The following RAP2A variants were observed in gnomAD, a reference collection of about 807,000 sequenced individuals.
RAP2A encodes ras-related protein Rap-2a.
A neutral mutation model predicts 15.1 loss-of-function variants in RAP2A; 5 were observed. The observed-to-expected ratio is 0.33, with a 90% CI of 0.17 to 0.70. The LOEUF (loss-of-function observed/expected upper bound fraction) is 0.70, where lower values mean the gene tolerates loss of function less well. Among genes scored for constraint, RAP2A ranks in the 30% least tolerant of loss-of-function variants. The pLI is 0.68. For synonymous variants in RAP2A, 110 were observed against 99.7 expected (o/e 1.10, Z -0.62); for missense variants, 111 against 240.3 (o/e 0.46, Z 3.56).
At chr13:97,456,727 C>G (rs911333466) in intron 1 of RAP2A, among the ~76,000 whole-genome samples, 1 of 145,498 alleles carries the variant, frequency 6.9e-6, no homozygotes, top group African/African-American at 2.6e-5. Flanking sequence ...TTACTTTTTA[C>G]ATTACATTTA....
chr13:97,448,530 T>C (rs1455284473), intron 1 of RAP2A, among the ~76,000 whole-genome samples: 2 of 152,124 alleles, frequency 1.3e-5, no homozygotes, highest in East Asian at 3.9e-4. Context: ...TAAGTATCAA[T>C]TAATGTTTGT....
intron 1 of RAP2A, among the ~76,000 whole-genome samples, chr13:97,448,251 G>A (rs2066687782): frequency 6.6e-6 from 1 of 152,120 alleles, no homozygotes; most frequent in African/African-American, 2.4e-5. Context: ...AGAGATAGGA[G>A]ATAAAACATA....
chr13:97,442,794 CA>C (rs757039091), intron 1 of RAP2A, among the ~76,000 whole-genome samples: 20 of 152,228 alleles, frequency 1.3e-4, no homozygotes, highest in Non-Finnish European at 2.5e-4. Flanking sequence ...TTCTGGTTCC[CA>C]GCAATGCTGT....
intron 1 of RAP2A, among the ~76,000 whole-genome samples, chr13:97,436,553 A>G (rs1566470611): frequency 6.6e-6 from 1 of 152,212 alleles, no homozygotes; most frequent in Non-Finnish European, 1.5e-5. Flanking sequence ...TTCTTGACAC[A>G]AGCCTAGGGA....
intron 1 of RAP2A, among the ~76,000 whole-genome samples, chr13:97,457,849 C>A (rs2066730118): frequency 6.6e-6 from 1 of 151,832 alleles, no homozygotes; most frequent in Non-Finnish European, 1.5e-5. Context: ...TTTTTAAAAT[C>A]ATGACTTATT....
At chr13:97,447,947 CCTT>C (rs2066686322) in intron 1 of RAP2A, among the ~76,000 whole-genome samples, 1 of 151,862 alleles carries the variant, frequency 6.6e-6, no homozygotes, top group Non-Finnish European at 1.5e-5. Context: ...GCTCAAAACT[CCTT>C]ATACTACTCA....
At chr13:97,434,868 G>A in intron 1 of RAP2A, 84 bp downstream of exon 1, 2 of 1,549,578 alleles carry the variant, frequency 1.3e-6, no homozygotes, top group South Asian at 1.2e-5. Flanking sequence ...GGGCTCCGGG[G>A]AAGGGGCTTT....
intron 1 of RAP2A, among the ~76,000 whole-genome samples, chr13:97,453,726 A>G (rs914969129): frequency 1.3e-5 from 2 of 151,036 alleles, no homozygotes; most frequent in African/African-American, 4.9e-5. Context: ...TAAATGCCCA[A>G]GGGTGCAATT....
intron 1 of RAP2A, among the ~76,000 whole-genome samples, chr13:97,459,627 T>G (rs918838596): frequency 3.9e-5 from 6 of 152,192 alleles, no homozygotes; most frequent in Admixed American, 2.0e-4. Flanking sequence ...GCTCTTCCCC[T>G]AGAACCTGCA....
chr13:97,438,733 C>A (rs1347825320), intron 1 of RAP2A, among the ~76,000 whole-genome samples: 3 of 152,154 alleles, frequency 2.0e-5, no homozygotes, highest in Non-Finnish European at 4.4e-5. Flanking sequence ...TTCTTTGAAG[C>A]ACTCATCCAA....
In RAP2A at chr13:97,452,791, T is replaced by C. The variant is rs999254913; in HGVS notation, c.315-11414T>C. On this transcript the variant is annotated intron_variant, in intron 1 of 1. Transcript: ENST00000245304. Reference sequence around the variant, plus strand: ...TAAGTAAATGTTATATATCTTTCATTTTATTTAGATATTTTTACATTTCTG... The same window carrying C: ...TAAGTAAATGTTATATATCTTTCATCTTATTTAGATATTTTTACATTTCTG... 2.0e-5 allele frequency among the ~76,000 whole-genome samples: 3 copies of C among 151,438 alleles called. 1 individual carries two copies. Among genetic ancestry groups the C allele is most frequent in the Non-Finnish European group, 4.4e-5 (3 of 67,846 alleles).
intron 1 of RAP2A, among the ~76,000 whole-genome samples, chr13:97,459,129 G>T (rs1221738317): frequency 1.3e-5 from 2 of 152,048 alleles, no homozygotes; most frequent in Non-Finnish European, 1.5e-5. Flanking sequence ...GGCTGAAGTT[G>T]GTGAGATATC....
At chr13:97,447,726 C>G (rs943925974) in intron 1 of RAP2A, among the ~76,000 whole-genome samples, 6 of 152,184 alleles carry the variant, frequency 3.9e-5, no homozygotes, top group Middle Eastern at 3.2e-3. Flanking sequence ...TTTTGTTACT[C>G]CAGACACCAT....
intron 1 of RAP2A, 93 bp from the exon 2 acceptor site, chr13:97,464,112 T>C: frequency 1.8e-6 from 2 of 1,103,892 alleles, no homozygotes; most frequent in Admixed American, 1.9e-5. Flanking sequence ...ACCATTTATG[T>C]TGGAATAGCC....
chr13:97,443,072 G>T (rs547484427), intron 1 of RAP2A, among the ~76,000 whole-genome samples: 1 of 152,294 alleles, frequency 6.6e-6, no homozygotes, highest in African/African-American at 2.4e-5. Flanking sequence ...ATACATGAGT[G>T]CGGGATTATC....
chr13:97,461,210 C>T, intron 1 of RAP2A, among the ~76,000 whole-genome samples: 1 of 152,174 alleles, frequency 6.6e-6, no homozygotes, highest in East Asian at 1.9e-4. Flanking sequence ...AGCAGAGCCT[C>T]CAAATCTGGG....
Position 97,468,255 on chromosome 13 carries a change from G to A in RAP2A, c.*3813G>A, listed in dbSNP as rs1475140236. ...GATTTTATATTTTGAATGGTAGCTG[G>A]TTAATTTAAAGCCTGATGCTAAGGT... On this transcript the variant is annotated 3_prime_UTR_variant, in exon 2 of 2. Transcript: ENST00000245304. The A allele has an allele frequency of 3.3e-5, 5 of 152,148 alleles. No homozygotes were observed. The highest frequency in any genetic ancestry group is 7.3e-5 in the Non-Finnish European group (5 of 68,028). 9.4% of individuals were successfully genotyped at this position (152,148 alleles called of 1,614,324 possible).
At chr13:97,453,847 G>C (rs565605503) in intron 1 of RAP2A, among the ~76,000 whole-genome samples, 1 of 150,908 alleles carries the variant, frequency 6.6e-6, no homozygotes, top group African/African-American at 2.4e-5. Flanking sequence ...GTCCTCGCCA[G>C]CATTTTAGTG....
chr13:97,464,118 T>C, intron 1 of RAP2A, 87 bp from the exon 2 acceptor site: 1 of 1,162,610 alleles, frequency 8.6e-7, no homozygotes, highest in East Asian at 2.4e-5. Flanking sequence ...TATGTTGGAA[T>C]AGCCCCCAAA....
Sources: allele counts gnomAD v4.1 joint callset (sites outside exome capture counted in the v4.1 genomes callset), GRCh38; gene constraint gnomAD v4.1.1; transcripts MANE v1.5; gene names NCBI Gene and HGNC (gene_info 2026-07-23, HGNC 2026-07-21).